The following CYP7B1 variants were observed in gnomAD, a reference collection of about 807,000 sequenced individuals.
The protein encoded by CYP7B1 is cytochrome P450 7B1.
A neutral mutation model predicts 42.7 loss-of-function variants in CYP7B1; 29 were observed. The observed-to-expected ratio is 0.68, with a 90% CI of 0.51 to 0.93. The LOEUF (loss-of-function observed/expected upper bound fraction) is 0.93, where lower values mean the gene tolerates loss of function less well. CYP7B1 is among the 40% of genes least tolerant of loss of function. CYP7B1 has a pLI of 0.00. For synonymous variants in CYP7B1, 235 were observed against 218.2 expected, an observed-to-expected ratio of 1.08 and a Z score of -0.68; for missense variants, 655 against 600.5, an observed-to-expected ratio of 1.09 and a Z score of -0.95.
chr8:64,687,138 T>TAA (rs201839076), intron 1 of CYP7B1, among the ~76,000 whole-genome samples: 13 of 148,600 alleles, frequency 8.7e-5, no homozygotes, highest in Non-Finnish European at 1.0e-4. Context: ...AAAAATAAAT[T>TAA]TAAAAAAAAA....
intron 1 of CYP7B1, among the ~76,000 whole-genome samples, chr8:64,717,890 C>T (rs1468453878): frequency 6.7e-6 from 1 of 148,672 alleles, no homozygotes; most frequent in South Asian, 2.1e-4. Flanking sequence ...ATGTAAATAA[C>T]ATTTTTCTAG....
intron 1 of CYP7B1, among the ~76,000 whole-genome samples, chr8:64,665,642 T>C (rs1210371423): frequency 2.3e-5 from 3 of 130,028 alleles, no homozygotes; most frequent in Non-Finnish European, 4.7e-5. Flanking sequence ...AATGGCGCAA[T>C]CTCAGCTCAC....
intron 1 of CYP7B1, among the ~76,000 whole-genome samples, chr8:64,664,746 T>C (rs1806250460): frequency 6.6e-6 from 1 of 152,326 alleles, no homozygotes; most frequent in Non-Finnish European, 1.5e-5. Flanking sequence ...GAGCTGAGGC[T>C]TATTCTTTAA....
intron 1 of CYP7B1, among the ~76,000 whole-genome samples, chr8:64,659,821 G>A (rs886999554): frequency 2.0e-5 from 3 of 152,162 alleles, no homozygotes; most frequent in African/African-American, 4.8e-5. Context: ...GCCTGGTGGA[G>A]TTATCCAATA....
At chr8:64,719,448 G>C (rs1161149581) in intron 1 of CYP7B1, among the ~76,000 whole-genome samples, 1 of 152,160 alleles carries the variant, frequency 6.6e-6, no homozygotes, top group African/African-American at 2.4e-5. Context: ...AAGCGAAACT[G>C]AGTTTATCAG....
At chr8:64,613,185 T>A (rs997887443) in intron 4 of CYP7B1, among the ~76,000 whole-genome samples, 11 of 152,184 alleles carry the variant, frequency 7.2e-5, no homozygotes, top group African/African-American at 2.4e-4. Flanking sequence ...GGATTTTTAT[T>A]GTTTTTATTC....
intron 1 of CYP7B1, among the ~76,000 whole-genome samples, chr8:64,760,423 T>G (rs986508237): frequency 6.6e-6 from 1 of 151,888 alleles, no homozygotes; most frequent in Non-Finnish European, 1.5e-5. Flanking sequence ...AAAAGGACCA[T>G]CGAATGGAAG....
intron 1 of CYP7B1, among the ~76,000 whole-genome samples, chr8:64,659,804 C>T (rs192154979): frequency 2.0e-5 from 3 of 152,020 alleles, no homozygotes; most frequent in African/African-American, 7.3e-5. Flanking sequence ...TACCTGTGGG[C>T]AAAACAGCCT....
Position 64,615,748 on chromosome 8 carries a change from G to A in CYP7B1, c.793C>T (p.Gln265Ter), listed in dbSNP as rs886041525. 1 of 1,613,538 alleles carries A rather than the reference G, an allele frequency of 6.2e-7. No homozygotes were observed. Among genetic ancestry groups the A allele is most frequent in the Non-Finnish European group, 8.5e-7 (1 of 1,179,766 alleles). Residue 265 changes from glutamine to a stop codon, truncating the protein, a stop_gained, in exon 3 of 6, where the codon CAA becomes TAA. Coordinates refer to ENST00000310193, the MANE Select transcript of CYP7B1 (RefSeq NM_004820.5). LOFTEE classifies it high-confidence loss of function. ...TTCTCCAGGACATCTTGCCTGCTTTGAAAAACTTCTGACCATCCTTGCATC... is the reference window on the plus strand; with the variant it reads ...TTCTCCAGGACATCTTGCCTGCTTTAAAAAACTTCTGACCATCCTTGCATC... ...AKMQGWSEVF[Q>*]SRQDVLEKYY...
Position 64,791,190 on chromosome 8 carries a change from GTTTGTGTGTGGTAT to G in CYP7B1, c.122+7262_122+7275del, listed in dbSNP as rs568843814. 7.4e-4 allele frequency among the ~76,000 whole-genome samples: 113 copies of G among 152,272 alleles called. 2 individuals are homozygous for G. The South Asian group carries it at 0.023, about 31-fold the overall frequency. ...AAATTTCTATTGTTTAGACCACTCA[GTTTGTGTGTGGTAT>G]TTTGTTAGAGCAGCCCTAACAAACT... On this transcript the variant is annotated intron_variant, in intron 1 of 5. Transcript: ENST00000310193.
intron 2 of CYP7B1, among the ~76,000 whole-genome samples, chr8:64,621,910 A>ATT (rs879613313): frequency 7.3e-6 from 1 of 136,382 alleles, no homozygotes; most frequent in African/African-American, 2.7e-5. Flanking sequence ...TAATTTTTGT[A>ATT]TTTTTTTTTT....
At chr8:64,635,093 C>A (rs1805750643) in intron 1 of CYP7B1, among the ~76,000 whole-genome samples, 1 of 152,198 alleles carries the variant, frequency 6.6e-6, no homozygotes, top group African/African-American at 2.4e-5. Context: ...TTGCCAAACT[C>A]AAGAGCATCT....
intron 1 of CYP7B1, 69 bp downstream of exon 1, chr8:64,798,397 C>A (rs1437196268): frequency 7.0e-7 from 1 of 1,434,346 alleles, no homozygotes; most frequent in Non-Finnish European, 9.0e-7. Flanking sequence ...GGACTCCCCT[C>A]GCCATCTGGG....
rs545749194 is a variant in CYP7B1, at chr8:64,746,009, G to A, written c.122+52457C>T. Among the ~76,000 whole-genome samples, 8 of 151,856 alleles carry A rather than the reference G, an allele frequency of 5.3e-5. No homozygotes were observed. In the East Asian group the frequency reaches 1.5e-3, roughly 29 times the overall value. ...CCCCTGAGTCAACCATTCAATGCAT[G>A]TTTTTTAATCTATTTGATATTAAAG... On this transcript the variant is annotated intron_variant, in intron 1 of 5. Coordinates refer to ENST00000310193, the MANE Select transcript of CYP7B1 (RefSeq NM_004820.5).
intron 1 of CYP7B1, among the ~76,000 whole-genome samples, chr8:64,640,280 C>T (rs963828606): frequency 1.8e-4 from 27 of 152,052 alleles, no homozygotes; most frequent in African/African-American, 6.0e-4. Flanking sequence ...GGATACATTT[C>T]ATGGTATATA....
intron 1 of CYP7B1, among the ~76,000 whole-genome samples, chr8:64,686,091 G>C (rs1457318584): frequency 2.5e-5 from 3 of 121,454 alleles, no homozygotes; most frequent in African/African-American, 9.7e-5. Flanking sequence ...CGCCCCGTCC[G>C]GGAGGGAGGT....
rs1805074315 is a variant in CYP7B1 at position 64,593,747 on chromosome 8, T to G, written c.*2895A>C. Among the ~76,000 whole-genome samples the G allele has an allele frequency of 6.6e-6, 1 of 151,954 alleles. No homozygotes were observed. The highest frequency in any genetic ancestry group is 1.5e-5 in the Non-Finnish European group (1 of 67,998). The stretch of plus-strand genomic sequence containing the variant: ...AAAACACATAAACTACAGAATTAGA[T>G]CCACAAAACACCAATGATTTGGAAA... On this transcript the variant is annotated 3_prime_UTR_variant, in exon 6 of 6. Coordinates refer to ENST00000310193, the MANE Select transcript of CYP7B1 (RefSeq NM_004820.5).
At chr8:64,770,348 GA>G (rs1403981316) in intron 1 of CYP7B1, among the ~76,000 whole-genome samples, 2 of 152,298 alleles carry the variant, frequency 1.3e-5, no homozygotes, top group Non-Finnish European at 1.5e-5. Context: ...TACAGATGGG[GA>G]CTTTAAGACA....
chr8:64,615,821 A>G lies in CYP7B1; in HGVS notation c.720T>C (p.Ser240=), dbSNP rs1160717438. The G allele has an allele frequency of 3.1e-6, 5 of 1,613,652 alleles. No individual in the cohort carries two copies. In the African/African-American group the frequency reaches 5.3e-5, roughly 17 times the overall value. Residue 240 remains serine (S), a synonymous_variant, in exon 3 of 6, where the codon TCT becomes TCC. Transcript: ENST00000310193. ...IPIELLGNVK[S]IREKIIKCFS... ...AGCATTTTATAATTTTCTCTCTAAT[A>G]GACTTGACATTTCCTAGAAGCTCAA...
Sources: gnomAD v4.1 joint callset for allele counts (sites outside exome capture counted in the v4.1 genomes callset) on GRCh38, gnomAD v4.1.1 for gene constraint, MANE v1.5 for transcripts, NCBI Gene and HGNC (gene_info 2026-07-23, HGNC 2026-07-21) for gene names.